PLTP: variants seen among roughly 807,000 people sequenced by gnomAD.
PLTP encodes phospholipid transfer protein.
PLTP carries 43 observed loss-of-function variants against 54.1 expected under a neutral mutation model. The ratio of observed to expected loss-of-function variants is 0.79; its 90% confidence interval spans 0.62 to 1.02. PLTP has a LOEUF of 1.02. PLTP is among the 50% of genes least tolerant of loss of function. PLTP has a pLI of 0.00. For missense variants in PLTP, 604 were observed against 645.9 expected, an observed-to-expected ratio of 0.94 and a Z score of 0.70; for synonymous variants, 263 against 264.6, an observed-to-expected ratio of 0.99 and a Z score of 0.06.
In PLTP at chr20:45,906,352, A is replaced by G. The variant is rs375692637; in HGVS notation, c.621T>C (p.Ser207=). The change falls in exon 8 of 16, where the codon AGT becomes AGC. Residue 207 remains serine (S), a synonymous_variant. Transcript: ENST00000372431. ...CAATGCCAACAAGCTCGTCCACAGAACTGCGCACTGCAGGAAGGGGCTCAA... is the reference window on the plus strand; with the variant it reads ...CAATGCCAACAAGCTCGTCCACAGAGCTGCGCACTGCAGGAAGGGGCTCAA... ...NSLLDTVPVR[S]SVDELVGIDY... 2 of 1,613,262 alleles carry G rather than the reference A, an allele frequency of 1.2e-6. No individual in the cohort carries two copies. Among genetic ancestry groups the G allele is most frequent in the Non-Finnish European group, 1.7e-6 (2 of 1,179,516 alleles).
Position 45,905,001 on chromosome 20 carries a change from AGTC to A in PLTP, c.820_822del (p.Asp274del). On this transcript the variant is annotated inframe_deletion, in exon 9 of 16. Transcript: ENST00000372431. ...GCCCGGAAGTAGCTCTCCATGGCAGAGTCGAAGAAGAACTCAGAGAAGGCCACA... is the reference window on the plus strand; with the variant it reads ...GCCCGGAAGTAGCTCTCCATGGCAGAGAAGAAGAACTCAGAGAAGGCCACA... 1.2e-6 allele frequency: 2 copies of A among 1,614,232 alleles called. No homozygotes were observed. Among genetic ancestry groups the A allele is most frequent in the South Asian group, 2.2e-5 (2 of 91,084 alleles).
Position 45,906,917 on chromosome 20 carries a change from G to T in PLTP, c.614-558C>A, listed in dbSNP as rs537621622. 4.0e-4 allele frequency among the ~76,000 whole-genome samples: 49 copies of T among 122,106 alleles called. 5 individuals are homozygous for T. Among genetic ancestry groups the T allele is most frequent in the African/African-American group, 1.3e-3 (48 of 38,086 alleles). The allele number at this position is 122,106 out of a possible 152,430, so 80.1% of individuals were successfully genotyped here. On this transcript the variant is annotated intron_variant, in intron 7 of 15. Transcript: ENST00000372431. ...AAAAAAAAAAAAAAAAAAAAAGATG[G>T]CATGAGGTTCCTTTCCCTTGGTTTC... is the stretch of plus-strand genomic sequence containing the variant.
rs2083147585 is a variant in PLTP at position 45,899,080 on chromosome 20, G to C, written c.1360-17C>G. ...GAGGAATCCCTGTGTTGGGGAGAGG[G>C]GAGCCTCATTTATTCATTCAGTTAT... On this transcript the variant is annotated splice_polypyrimidine_tract_variant and intron_variant, in intron 15 of 15. Coordinates refer to ENST00000372431, the MANE Select transcript of PLTP (RefSeq NM_006227.4). The C allele has an allele frequency of 5.6e-6, 9 of 1,614,150 alleles. No individual in the cohort carries two copies. Among genetic ancestry groups the C allele is most frequent in the Non-Finnish European group, 7.6e-6 (9 of 1,180,016 alleles).
rs561134629 is a variant in PLTP, at chr20:45,910,379, G to A, written c.201-309C>T. On this transcript the variant is annotated intron_variant, in intron 3 of 15. Coordinates refer to ENST00000372431, the MANE Select transcript of PLTP (RefSeq NM_006227.4). The stretch of plus-strand genomic sequence containing the variant: ...GCCTGTAATCCCAGCACTTTAGGAG[G>A]CCGAGGAGGGCGGATCACTTGAGGT... Among the ~76,000 whole-genome samples the A allele has an allele frequency of 2.0e-5, 3 of 152,234 alleles. No homozygotes were observed. The East Asian group carries it at 5.8e-4, about 29-fold the overall frequency.
At chr20:45,905,631 A>C (rs1344671904) in intron 8 of PLTP, among the ~76,000 whole-genome samples, 2 of 152,228 alleles carry the variant, frequency 1.3e-5, no homozygotes, top group African/African-American at 2.4e-5. Flanking sequence ...GTAGAGAAGG[A>C]GGTCTCACTA....
Position 45,907,918 on chromosome 20 carries a change from A to T in PLTP, c.486-14T>A, listed in dbSNP as rs2083256866. 4.5e-6 allele frequency: 7 copies of T among 1,565,766 alleles called. No homozygotes were observed. Among genetic ancestry groups the T allele is most frequent in the Non-Finnish European group, 6.1e-6 (7 of 1,154,518 alleles). ...TCATACACCTTCCTGTGAGGAGAGG[A>T]GAGGCCGGATGAGCCCAGAACCTGC... On this transcript the variant is annotated splice_polypyrimidine_tract_variant and intron_variant, in intron 5 of 15. Transcript: ENST00000372431.
rs1481050352 is a variant in PLTP, at chr20:45,899,491, A to G, written c.1330T>C (p.Phe444Leu). The G allele has an allele frequency of 1.9e-6, 3 of 1,614,018 alleles. No homozygotes were observed. In the East Asian group the frequency reaches 6.7e-5, roughly 36 times the overall value. Residue 444 changes from phenylalanine to leucine, a missense_variant, in exon 15 of 16, where the codon TTT becomes CTT. Coordinates refer to ENST00000372431, the MANE Select transcript of PLTP (RefSeq NM_006227.4). ...VQIPLPEGINFVHEVVTNHAG... is the reference protein window; with the variant it reads ...VQIPLPEGINLVHEVVTNHAG... The stretch of plus-strand genomic sequence containing the variant: ...TGGTTCGTCACCACCTCATGCACAA[A>G]GTTGATGCCCTCAGGTAGTGGGATC...
chr20:45,906,479 G>T (rs996065108), intron 7 of PLTP, 120 bp from the exon 8 acceptor site: 13 of 776,974 alleles, frequency 1.7e-5, no homozygotes, highest in Non-Finnish European at 2.7e-5. Context: ...TTGTCATGAG[G>T]GTCAAATTAG....
At chr20:45,911,552 C>T (rs2083294101) in intron 1 of PLTP, 89 bp from the exon 2 acceptor site, 1 of 1,540,572 alleles carries the variant, frequency 6.5e-7, no homozygotes. Context: ...TAGCCTGGAT[C>T]GTTACCCTCC....
At chr20:45,910,681 C>G (rs1037797069) in intron 3 of PLTP, among the ~76,000 whole-genome samples, 5 of 151,644 alleles carry the variant, frequency 3.3e-5, no homozygotes, top group African/African-American at 1.2e-4. Context: ...GGGGTTGCTA[C>G]ACCCGGTCTT....
rs750201395 is a variant in PLTP, at chr20:45,905,113, G to A, written c.711C>T (p.Ala237=). Residue 237 remains alanine, a synonymous_variant, in exon 9 of 16, where the codon GCC becomes GCT. Transcript: ENST00000372431. The part of the protein sequence containing the change: ...TSNLDMDFRG[A]FFPLTERNWS... ...AGTTCCTCTCAGTCAGGGGGAAGAA[G>A]GCCCCCTGGGGTGGGGCATTCACAG... The A allele has an allele frequency of 6.2e-7, 1 of 1,613,770 alleles. No individual in the cohort carries two copies. The highest frequency in any genetic ancestry group is 1.1e-5 in the South Asian group (1 of 91,088).
chr20:45,910,976 T>C (rs751461696), intron 3 of PLTP, 176 bp downstream of exon 3: 54 of 1,497,862 alleles, frequency 3.6e-5, no homozygotes, highest in Non-Finnish European at 4.4e-5. Context: ...CCGCCTATGA[T>C]GACTGGCTTG....
chr20:45,902,211 T>C (rs1568771737), intron 12 of PLTP, 56 bp downstream of exon 12: 7 of 1,563,472 alleles, frequency 4.5e-6, no homozygotes, highest in Non-Finnish European at 6.2e-6. Flanking sequence ...AACATCCCTG[T>C]GGACAGGTGT....
chr20:45,899,812 G>GGCC, intron 13 of PLTP, 24 bp downstream of exon 13: 7 of 309,334 alleles, frequency 2.3e-5, no homozygotes, highest in Non-Finnish European at 4.3e-5. Context: ...ACCCAGCCCA[G>GGCC]CCCACCCACC....
intron 8 of PLTP, 106 bp downstream of exon 8, chr20:45,906,162 A>T: frequency 1.3e-6 from 1 of 768,632 alleles, no homozygotes; most frequent in Non-Finnish European, 2.3e-6. Flanking sequence ...CAGTAATGGG[A>T]GTGGCCTCAT....
intron 1 of PLTP, 65 bp from the exon 2 acceptor site, chr20:45,911,528 C>A: frequency 1.3e-6 from 2 of 1,592,798 alleles, no homozygotes; most frequent in African/African-American, 1.3e-5. Flanking sequence ...GGACGTCCAA[C>A]CATAAGTGGG....
chr20:45,900,240 G>C (rs1215617020), intron 12 of PLTP, among the ~76,000 whole-genome samples: 3 of 151,092 alleles, frequency 2.0e-5, no homozygotes, highest in Non-Finnish European at 4.4e-5. Context: ...GAGTAACTGG[G>C]ACTATAGGTG....
intron 12 of PLTP, among the ~76,000 whole-genome samples, chr20:45,900,148 G>A (rs1175692881): frequency 2.7e-5 from 3 of 112,786 alleles, no homozygotes; most frequent in African/African-American, 3.5e-5. Context: ...TCGCTGTGTC[G>A]CCCACGCTGG....
At chr20:45,911,591 A>C (rs1182030010) in intron 1 of PLTP, 128 bp from the exon 2 acceptor site, 2 of 1,310,164 alleles carry the variant, frequency 1.5e-6, no homozygotes, top group Non-Finnish European at 2.1e-6. Context: ...CTTGGAACCA[A>C]TAATCTTGCC....
Sources: gnomAD v4.1 joint callset for allele counts (sites outside exome capture counted in the v4.1 genomes callset) on GRCh38, gnomAD v4.1.1 for gene constraint, MANE v1.5 for transcripts, NCBI Gene and HGNC (gene_info 2026-07-23, HGNC 2026-07-21) for gene names.